The following PPARGC1A variants were observed in gnomAD, a reference collection of about 807,000 sequenced individuals.
PPARGC1A encodes the protein PPARG coactivator 1 alpha, also known as peroxisome proliferator-activated receptor gamma coactivator 1-alpha.
A neutral mutation model predicts 88.7 loss-of-function variants in PPARGC1A; 25 were observed. The observed-to-expected ratio is 0.28, with a 90% CI of 0.21 to 0.39. The LOEUF (loss-of-function observed/expected upper bound fraction) is 0.39, where lower values mean the gene tolerates loss of function less well. Among genes scored for constraint, PPARGC1A ranks in the 10% least tolerant of loss-of-function variants. The pLI is 1.00. For synonymous variants in PPARGC1A, 363 were observed against 355.6 expected (o/e 1.02, Z -0.24); for missense variants, 880 against 968.7 (o/e 0.91, Z 1.22).
At chr4:23,800,460 T>C (rs1479917676) in intron 12 of PPARGC1A, among the ~76,000 whole-genome samples, 1 of 151,888 alleles carries the variant, frequency 6.6e-6, no homozygotes, top group Non-Finnish European at 1.5e-5. Flanking sequence ...ATGTAATGAC[T>C]AAATATAATG....
At chr4:23,996,677 A>G in the PPARGC1A span, among the ~76,000 whole-genome samples, 1 of 152,220 alleles carries the variant, frequency 6.6e-6, no homozygotes, top group Non-Finnish European at 1.5e-5. Context: ...ATAAAGATTT[A>G]GGCCAAACGT....
the PPARGC1A span, among the ~76,000 whole-genome samples, chr4:24,133,895 ACT>A: frequency 6.6e-6 from 1 of 152,190 alleles, no homozygotes; most frequent in Non-Finnish European, 1.5e-5. Flanking sequence ...TAAATCCTAA[ACT>A]GTCCCTTCAG....
chr4:24,031,636 C>T, the PPARGC1A span, among the ~76,000 whole-genome samples: 1 of 152,278 alleles, frequency 6.6e-6, no homozygotes, highest in South Asian at 2.1e-4. Flanking sequence ...GTCTGTCCTA[C>T]ACATTGTTCG....
chr4:24,256,630 C>T, the PPARGC1A span, among the ~76,000 whole-genome samples: 1,081 of 152,244 alleles, frequency 7.1e-3, 42 homozygotes, highest in East Asian at 0.12. Context: ...TCACTTCTAA[C>T]GAATTAGTAG....
chr4:23,978,337 T>C, the PPARGC1A span, among the ~76,000 whole-genome samples: 3 of 152,224 alleles, frequency 2.0e-5, no homozygotes, highest in African/African-American at 7.2e-5. Context: ...TTGGTTTGCA[T>C]AGAAGATTTG....
intron 2 of PPARGC1A, among the ~76,000 whole-genome samples, chr4:23,874,138 T>TGAC (rs1714185780): frequency 1.3e-5 from 2 of 152,354 alleles, no homozygotes; most frequent in African/African-American, 4.8e-5. Flanking sequence ...TGTGACAGGT[T>TGAC]GACAACATAC....
chr4:24,204,430 T>G, the PPARGC1A span, among the ~76,000 whole-genome samples: 1 of 146,596 alleles, frequency 6.8e-6, no homozygotes, highest in Non-Finnish European at 1.5e-5. Context: ...GTTGAATAAA[T>G]TAAAAAATAA....
the PPARGC1A span, among the ~76,000 whole-genome samples, chr4:24,029,206 G>A: frequency 6.6e-6 from 1 of 152,140 alleles, no homozygotes; most frequent in South Asian, 2.1e-4. Flanking sequence ...TCAGAGCTCT[G>A]GTTCATGATC....
the PPARGC1A span, among the ~76,000 whole-genome samples, chr4:23,986,751 G>A: frequency 6.6e-6 from 1 of 151,954 alleles, no homozygotes; most frequent in African/African-American, 2.4e-5. Flanking sequence ...TTCTAACTCA[G>A]GCATGTGGAT....
At chr4:24,242,659 C>G in the PPARGC1A span, among the ~76,000 whole-genome samples, 43 of 152,286 alleles carry the variant, frequency 2.8e-4, no homozygotes, top group Non-Finnish European at 3.7e-4. Flanking sequence ...ACCCCCTAAA[C>G]AATTCTTAAA....
chr4:23,832,587 A>G (rs992156314), intron 2 of PPARGC1A, among the ~76,000 whole-genome samples: 1 of 147,350 alleles, frequency 6.8e-6, no homozygotes, highest in African/African-American at 2.5e-5. Flanking sequence ...CCAGTGCACT[A>G]TTATTTCTTT....
chr4:23,835,105 T>C (rs1190011115), intron 2 of PPARGC1A, among the ~76,000 whole-genome samples: 3 of 152,218 alleles, frequency 2.0e-5, no homozygotes, highest in African/African-American at 7.2e-5. Context: ...TACCAATAAA[T>C]GGATAATTTT....
the PPARGC1A span, among the ~76,000 whole-genome samples, chr4:24,250,649 G>A: frequency 6.6e-6 from 1 of 152,144 alleles, no homozygotes. Flanking sequence ...TGGAGAAAGA[G>A]GAGGAGGAAA....
At chr4:24,471,952 C>T in the PPARGC1A span, among the ~76,000 whole-genome samples, 2 of 152,208 alleles carry the variant, frequency 1.3e-5, no homozygotes, top group Admixed American at 6.5e-5. This position sits in a 1 kb window ranked among gnomAD's most constrained non-coding sequence, Gnocchi z 5.4. Context: ...GGGCTTGCGG[C>T]TCTGCAGCCC....
At chr4:23,860,699 A>C (rs751012323) in intron 2 of PPARGC1A, among the ~76,000 whole-genome samples, 6 of 152,330 alleles carry the variant, frequency 3.9e-5, no homozygotes, top group Non-Finnish European at 7.3e-5. Context: ...TTCAAAAAAT[A>C]AATACCTCAG....
the PPARGC1A span, among the ~76,000 whole-genome samples, chr4:24,148,551 T>C: frequency 6.6e-6 from 1 of 152,200 alleles, no homozygotes; most frequent in African/African-American, 2.4e-5. Flanking sequence ...ACATAGCCTC[T>C]GACCTCAAGG....
the PPARGC1A span, among the ~76,000 whole-genome samples, chr4:24,068,497 A>G: frequency 6.6e-6 from 1 of 152,004 alleles, no homozygotes; most frequent in Admixed American, 6.5e-5. Flanking sequence ...GGAATTGCAA[A>G]CTCATTCTGT....
chr4:24,095,405 T>A, the PPARGC1A span, among the ~76,000 whole-genome samples: 1 of 152,144 alleles, frequency 6.6e-6, no homozygotes, highest in Non-Finnish European at 1.5e-5. Flanking sequence ...ATTGCAGGCA[T>A]AAGCCACCAC....
chr4:24,342,975 T>G, the PPARGC1A span, among the ~76,000 whole-genome samples: 1 of 152,246 alleles, frequency 6.6e-6, no homozygotes, highest in African/African-American at 2.4e-5. Context: ...TCTGACCCAC[T>G]GTGCCATCCT....
Sources: allele counts gnomAD v4.1 joint callset (sites outside exome capture counted in the v4.1 genomes callset), GRCh38; gene constraint gnomAD v4.1.1; non-coding constraint Gnocchi (gnomAD v3.1); transcripts MANE v1.5; gene names NCBI Gene and HGNC (gene_info 2026-07-23, HGNC 2026-07-21).